The following MTOR variants were observed in gnomAD, a reference collection of about 807,000 sequenced individuals.
MTOR encodes mechanistic target of rapamycin kinase.
MTOR carries 70 observed loss-of-function variants against 319.8 expected under a neutral mutation model. The observed-to-expected ratio is 0.22, with a 90% CI of 0.18 to 0.27. The LOEUF (loss-of-function observed/expected upper bound fraction) is 0.27. MTOR is among the 10% of genes least tolerant of loss of function. MTOR has a pLI of 1.00. For missense variants in MTOR, 1,890 were observed against 3,274.4 expected (o/e 0.58, Z 10.32); for synonymous variants, 1,183 against 1,211.4 (o/e 0.98, Z 0.49).
At chr1:11,210,791 A>G (rs1024406736) in intron 24 of MTOR, 23 bp downstream of exon 24, 1 of 1,539,798 alleles carries the variant, frequency 6.5e-7, no homozygotes. Context: ...GGGACTTCAG[A>G]ACAGAAAAGA....
chr1:11,256,111 C>G lies in MTOR; in HGVS notation c.586G>C (p.Val196Leu). The change falls in exon 5 of 58, where the codon GTG becomes CTG. Residue 196 changes from valine (V) to leucine (L), a missense_variant. Physicochemically the swap from Val to Leu is conservative, Grantham distance 32. Coordinates refer to ENST00000361445, the MANE Select transcript of MTOR (RefSeq NM_004958.4). ...QVQPFFDNIF[V>L]AVWDPKQAIR... Reference sequence around the variant, plus strand: ...GCCTGTTTGGGGTCCCACACGGCCACAAAAATGTTGTCAAAGAAGGGTTGC... The same window carrying G: ...GCCTGTTTGGGGTCCCACACGGCCAGAAAAATGTTGTCAAAGAAGGGTTGC... 6.2e-7 allele frequency: 1 copy of G among 1,614,120 alleles called. No homozygotes were observed. Among genetic ancestry groups the G allele is most frequent in the South Asian group, 1.1e-5 (1 of 91,072 alleles).
At chr1:11,240,268 TC>T in intron 11 of MTOR, 34 bp downstream of exon 11, 1 of 1,516,238 alleles carries the variant, frequency 6.6e-7, no homozygotes, top group East Asian at 2.3e-5. Context: ...CCAGCATCTC[TC>T]ACTATCTTGG....
intron 20 of MTOR, 110 bp downstream of exon 20, chr1:11,216,038 T>C (rs1323265911): frequency 5.6e-6 from 4 of 712,128 alleles, no homozygotes; most frequent in South Asian, 2.0e-5. Flanking sequence ...GTACTAAGAC[T>C]GTAACAGCTC....
intron 13 of MTOR, among the ~76,000 whole-genome samples, chr1:11,237,151 C>A (rs1009087827): frequency 6.6e-6 from 1 of 152,064 alleles, no homozygotes; most frequent in African/African-American, 2.4e-5. Context: ...ACTGGGTGAG[C>A]AACATAGAGA....
intron 30 of MTOR, among the ~76,000 whole-genome samples, chr1:11,156,693 G>A (rs764942033): frequency 6.6e-6 from 1 of 152,100 alleles, no homozygotes; most frequent in Admixed American, 6.5e-5. Context: ...CTGTTTTCTT[G>A]TGTATTTTGT....
intron 18 of MTOR, among the ~76,000 whole-genome samples, chr1:11,230,382 C>A (rs1277702843): frequency 2.0e-5 from 3 of 152,048 alleles, no homozygotes; most frequent in Non-Finnish European, 2.9e-5. Flanking sequence ...CCAGCCTGGG[C>A]AACAGAGTAA....
intron 18 of MTOR, among the ~76,000 whole-genome samples, chr1:11,229,428 A>G (rs994645794): frequency 1.3e-5 from 2 of 152,158 alleles, no homozygotes; most frequent in African/African-American, 4.8e-5. Flanking sequence ...AGGGAGGTAT[A>G]CTAACATGAA....
At chr1:11,236,513 T>G (rs1234319281) in intron 13 of MTOR, among the ~76,000 whole-genome samples, 2 of 150,540 alleles carry the variant, frequency 1.3e-5, no homozygotes, top group African/African-American at 4.9e-5. Flanking sequence ...TTTCACGTTT[T>G]TTTTTTTTTT....
intron 28 of MTOR, among the ~76,000 whole-genome samples, chr1:11,186,438 AC>A (rs1645326637): frequency 2.6e-5 from 4 of 152,146 alleles, no homozygotes. Flanking sequence ...GTTGAGTACA[AC>A]CTCACTGACT....
intron 28 of MTOR, chr1:11,194,737 AAC>A (rs1645714363): frequency 6.2e-7 from 1 of 1,604,488 alleles, no homozygotes; most frequent in Non-Finnish European, 8.5e-7. Flanking sequence ...AGTGAATTAT[AAC>A]TGTACAGTTG....
At chr1:11,194,443 C>T (rs1283376157) in intron 28 of MTOR, 1 of 1,613,014 alleles carries the variant, frequency 6.2e-7, no homozygotes, top group Non-Finnish European at 8.5e-7. Flanking sequence ...TTCTTTAAGG[C>T]TCTGCTCCTC....
chr1:11,148,320 A>C (rs1321096151), intron 31 of MTOR, among the ~76,000 whole-genome samples: 1 of 152,186 alleles, frequency 6.6e-6, no homozygotes, highest in Non-Finnish European at 1.5e-5. Context: ...TAAATCAGTA[A>C]CTTGCTTTAG....
chr1:11,130,232 G>A (rs868471739), intron 39 of MTOR, among the ~76,000 whole-genome samples: 18 of 152,174 alleles, frequency 1.2e-4, no homozygotes, highest in African/African-American at 4.3e-4. Flanking sequence ...GAGTGGACCC[G>A]CAGCTGTGTA....
chr1:11,257,566 G>GAAA (rs70977557), intron 3 of MTOR, among the ~76,000 whole-genome samples: 7 of 64,840 alleles, frequency 1.1e-4, no homozygotes, highest in African/African-American at 3.5e-4. Flanking sequence ...CTGTCTCAGA[G>GAAA]AAAAAAAAAA....
intron 28 of MTOR, among the ~76,000 whole-genome samples, chr1:11,170,237 C>T (rs954416034): frequency 2.6e-5 from 4 of 152,196 alleles, no homozygotes; most frequent in African/African-American, 9.6e-5. Context: ...GGGACCTACT[C>T]CACTGTAGGT....
At chr1:11,223,142 G>T (rs963453091) in intron 19 of MTOR, among the ~76,000 whole-genome samples, 1 of 150,666 alleles carries the variant, frequency 6.6e-6, no homozygotes, top group Non-Finnish European at 1.5e-5. Flanking sequence ...CAGGACAAAT[G>T]ACCTGGTTTC....
chr1:11,172,779 G>C (rs909707749), intron 28 of MTOR, among the ~76,000 whole-genome samples: 7 of 151,224 alleles, frequency 4.6e-5, no homozygotes, highest in Non-Finnish European at 8.8e-5. Flanking sequence ...TGAGGCAGGA[G>C]GATCACTTGA....
At chr1:11,122,329 G>A (rs772057705) in intron 47 of MTOR, among the ~76,000 whole-genome samples, 4 of 151,292 alleles carry the variant, frequency 2.6e-5, no homozygotes, top group Admixed American at 1.3e-4. Context: ...TCAGCCTCCC[G>A]AGTAGCTGGG....
rs1210150534 is a variant in MTOR, at chr1:11,212,747, C to G, written c.3398+49G>C. 6.8e-7 allele frequency: 1 copy of G among 1,477,164 alleles called. No homozygotes were observed. Among genetic ancestry groups the G allele is most frequent in the Admixed American group, 1.8e-5 (1 of 56,018 alleles). 91.5% of individuals were successfully genotyped at this position (1,477,164 alleles called of 1,614,324 possible). On this transcript the variant is annotated intron_variant, in intron 22 of 57. Transcript: ENST00000361445. The surrounding 1 kb of genome is among the most constrained non-coding windows in gnomAD (Gnocchi z 4.1). ...GAACTTAAGAAATGAACATTTTCAA[C>G]AAAACATTAAAGCTTAAAGATTGCT... is the stretch of plus-strand genomic sequence containing the variant.
Sources: gnomAD v4.1 joint callset for allele counts (sites outside exome capture counted in the v4.1 genomes callset) on GRCh38, gnomAD v4.1.1 for gene constraint, Gnocchi (gnomAD v3.1) non-coding constraint, MANE v1.5 for transcripts, NCBI Gene and HGNC (gene_info 2026-07-23, HGNC 2026-07-21) for gene names.